SLC22A2: variants seen among roughly 807,000 people sequenced by gnomAD.
SLC22A2 encodes the protein solute carrier family 22 member 2, also known as organic cation transporter 2.
Under a neutral mutation model 60.5 loss-of-function variants are expected in SLC22A2, and 46 were observed. That is an observed-to-expected ratio of 0.76 (90% CI 0.60 to 0.97). The LOEUF (loss-of-function observed/expected upper bound fraction) is 0.97, where lower values mean the gene tolerates loss of function less well. SLC22A2 is among the 50% of genes least tolerant of loss of function. The pLI, the probability that SLC22A2 is intolerant of heterozygous loss-of-function variation, is 0.00. For synonymous variants in SLC22A2, 303 were observed against 267.0 expected, an observed-to-expected ratio of 1.13 and a Z score of -1.31; for missense variants, 701 against 706.6, an observed-to-expected ratio of 0.99 and a Z score of 0.09.
chr6:160,231,399 T>C (rs1782821773), intron 9 of SLC22A2, among the ~76,000 whole-genome samples: 1 of 151,712 alleles, frequency 6.6e-6, no homozygotes, highest in Non-Finnish European at 1.5e-5. Context: ...AAATATGGAA[T>C]ACCTCTACTC....
rs148232573 is a variant in SLC22A2, at chr6:160,243,663, G to A, written c.1188C>T (p.Leu396=). 28 of 1,613,956 alleles carry A rather than the reference G, an allele frequency of 1.7e-5. No individual in the cohort carries two copies. The highest frequency in any genetic ancestry group is 2.3e-5 in the Non-Finnish European group (27 of 1,179,972). ...VEFPAAFMII[L]TIDRIGRRYP... is the part of the protein sequence containing the mutation. ...AACGGCGTCCGATGCGGTCGATGGT[G>A]AGGATGATCATGAAGGCAGCTGGGA... The change falls in exon 7 of 11, where the codon CTC becomes CTT. Residue 396 remains leucine (L), a synonymous_variant. Transcript: ENST00000366953.
At chr6:160,217,608 T>C (rs921445121) in intron 10 of SLC22A2, 110 bp from the exon 11 acceptor site, 3 of 657,852 alleles carry the variant, frequency 4.6e-6, no homozygotes, top group Non-Finnish European at 8.1e-6. Flanking sequence ...ATAAACTTTG[T>C]TCAGGATTAG....
At chr6:160,219,209 A>T (rs1476819355) in intron 10 of SLC22A2, among the ~76,000 whole-genome samples, 1 of 24,840 alleles carries the variant, frequency 4.0e-5, no homozygotes, top group Admixed American at 5.4e-4. Context: ...AGCAGTAGGA[A>T]CAGCAGCAAT....
In SLC22A2 at chr6:160,249,240, T is replaced by A. The variant is rs756584538; in HGVS notation, c.818A>T (p.Asn273Ile). The A allele has an allele frequency of 6.2e-7, 1 of 1,603,330 alleles. No homozygotes were observed. The highest frequency in any genetic ancestry group is 8.5e-7 in the Non-Finnish European group (1 of 1,176,170). The change falls in exon 4 of 11, where the codon AAC becomes ATC. Residue 273 changes from asparagine to isoleucine, a missense_variant. Asn to Ile is a moderately radical substitution (Grantham distance 149, BLOSUM62 -3). Coordinates refer to ENST00000366953, the MANE Select transcript of SLC22A2 (RefSeq NM_003058.4). ...CCAGTAATAGAGCAAGAAGAAGAAG[T>A]TGGGCAGAGAAACTGTGAACTGCAA... Reference protein sequence around the residue: ...RWLQFTVSLPNFFFLLYYWCI... With the variant: ...RWLQFTVSLPIFFFLLYYWCI...
chr6:160,239,501 A>T (rs1015437183), intron 9 of SLC22A2, among the ~76,000 whole-genome samples: 1 of 152,192 alleles, frequency 6.6e-6, no homozygotes, highest in African/African-American at 2.4e-5. Flanking sequence ...GGTCTGGGTC[A>T]GGACCTCTTT....
At chr6:160,225,347 A>T (rs1347072404) in intron 9 of SLC22A2, among the ~76,000 whole-genome samples, 1 of 152,022 alleles carries the variant, frequency 6.6e-6, no homozygotes, top group Admixed American at 6.6e-5. Flanking sequence ...AAACACTTAC[A>T]TGTTTTTGTT....
rs543307644 is a variant in SLC22A2 at position 160,224,407 on chromosome 6, G to T, written c.1601+298C>A. Among the ~76,000 whole-genome samples, 337 of 151,568 alleles carry T rather than the reference G, an allele frequency of 2.2e-3. 2 individuals carry two copies. Among genetic ancestry groups the T allele is most frequent in the Non-Finnish European group, 1.5e-3 (100 of 67,914 alleles). On this transcript the variant is annotated intron_variant, in intron 10 of 10. Coordinates refer to ENST00000366953, the MANE Select transcript of SLC22A2 (RefSeq NM_003058.4). ...ATTTTATTTTTAGCTTATAGTAGTTGTTTAACGCAGAATATTTTATTTTTA... is the reference window on the plus strand; with the variant it reads ...ATTTTATTTTTAGCTTATAGTAGTTTTTTAACGCAGAATATTTTATTTTTA...
chr6:160,233,351 A>G (rs1583393608), intron 9 of SLC22A2, among the ~76,000 whole-genome samples: 1 of 151,806 alleles, frequency 6.6e-6, no homozygotes, highest in East Asian at 1.9e-4. Flanking sequence ...TTATTAGTCA[A>G]ATCACCCAAG....
chr6:160,248,609 T>C (rs182095374), intron 4 of SLC22A2, among the ~76,000 whole-genome samples: 1 of 152,346 alleles, frequency 6.6e-6, no homozygotes, highest in Non-Finnish European at 1.5e-5. Flanking sequence ...TTTGCTTTAT[T>C]TCAGATAATC....
At chr6:160,247,074 AG>A in intron 5 of SLC22A2, 109 bp downstream of exon 5, 1 of 658,260 alleles carries the variant, frequency 1.5e-6, no homozygotes, top group Non-Finnish European at 2.7e-6. Flanking sequence ...CCAAAATGCA[AG>A]GGGGTGGGTG....
rs888617938 is a variant in SLC22A2 at position 160,224,902 on chromosome 6, T to C, written c.1502-98A>G. The C allele has an allele frequency of 1.0e-5, 6 of 580,638 alleles. No homozygotes were observed. The South Asian group carries it at 1.7e-4, about 17-fold the overall frequency. The allele number at this position is 580,638 out of a possible 1,614,324, so 36.0% of individuals were successfully genotyped here. On this transcript the variant is annotated intron_variant, in intron 9 of 10. Coordinates refer to ENST00000366953, the MANE Select transcript of SLC22A2 (RefSeq NM_003058.4). The stretch of plus-strand genomic sequence containing the variant: ...TTTTGTTTAAAACTTTTTTTTAGCA[T>C]TTTTCTATACTTATTTACAGATTCC...
In SLC22A2 at chr6:160,243,657, G is replaced by T. The variant is rs371567930; in HGVS notation, c.1194C>A (p.Ile398=). The T allele has an allele frequency of 2.5e-6, 4 of 1,613,890 alleles. No individual in the cohort carries two copies. Among genetic ancestry groups the T allele is most frequent in the Admixed American group, 3.3e-5 (2 of 59,998 alleles). The change falls in exon 7 of 11, where the codon ATC becomes ATA. Residue 398 remains isoleucine (I), a synonymous_variant. Coordinates refer to ENST00000366953, the MANE Select transcript of SLC22A2 (RefSeq NM_003058.4). The stretch of plus-strand genomic sequence containing the variant: ...AAGGGTAACGGCGTCCGATGCGGTC[G>T]ATGGTGAGGATGATCATGAAGGCAG... ...FPAAFMIILT[I]DRIGRRYPWA...
At chr6:160,231,826 T>C (rs315978) in intron 9 of SLC22A2, among the ~76,000 whole-genome samples, 133,072 of 151,784 alleles carry the variant, frequency 0.88, 58,682 homozygotes, top group East Asian at 0.97. Context: ...GCTGCTCCTA[T>C]GCTGGCTCTC....
chr6:160,249,615 C>T (rs1783151889), intron 3 of SLC22A2, among the ~76,000 whole-genome samples: 1 of 152,096 alleles, frequency 6.6e-6, no homozygotes, highest in African/African-American at 2.4e-5. Context: ...AAAGGCCTGC[C>T]AACATAAGCA....
chr6:160,227,203 A>G (rs1327320286), intron 9 of SLC22A2, among the ~76,000 whole-genome samples: 1 of 152,142 alleles, frequency 6.6e-6, no homozygotes, highest in East Asian at 1.9e-4. Flanking sequence ...GCACCTTTTA[A>G]AGATCTGTAT....
chr6:160,258,228 G>T, intron 1 of SLC22A2, 116 bp downstream of exon 1: 3 of 1,179,446 alleles, frequency 2.5e-6, no homozygotes, highest in Non-Finnish European at 3.6e-6. Context: ...TAAGATACAT[G>T]CAGGCCAAAG....
intron 4 of SLC22A2, among the ~76,000 whole-genome samples, 177 bp downstream of exon 4, chr6:160,249,039 G>A (rs560805169): frequency 2.0e-5 from 3 of 152,188 alleles, no homozygotes; most frequent in South Asian, 2.1e-4. Flanking sequence ...ATTTACAGAC[G>A]GAGAGGTGAA....
At chr6:160,229,762 C>G (rs1024832704) in intron 9 of SLC22A2, among the ~76,000 whole-genome samples, 12 of 151,774 alleles carry the variant, frequency 7.9e-5, no homozygotes, top group Non-Finnish European at 7.4e-5. Flanking sequence ...CCTGCATTCT[C>G]AAAAACTTAA....
At chr6:160,251,315 G>A (rs1019512790) in intron 2 of SLC22A2, among the ~76,000 whole-genome samples, 1 of 152,160 alleles carries the variant, frequency 6.6e-6, no homozygotes, top group African/African-American at 2.4e-5. Flanking sequence ...GATTTGGAAA[G>A]TTGTCCCAGT....
Sources: allele counts gnomAD v4.1 joint callset (sites outside exome capture counted in the v4.1 genomes callset), GRCh38; gene constraint gnomAD v4.1.1; transcripts MANE v1.5; gene names NCBI Gene and HGNC (gene_info 2026-07-23, HGNC 2026-07-21).